Variants in RAB38 observed in about 807,000 individuals in gnomAD.
RAB38 encodes RAB38, member RAS oncogene family.
RAB38 carries 15 observed loss-of-function variants against 18.4 expected under a neutral mutation model. The observed-to-expected ratio is 0.82, with a 90% confidence interval of 0.55 to 1.26. The LOEUF is 1.26. Among genes scored for constraint, RAB38 ranks in the 50% most tolerant of loss-of-function variants. RAB38 has a pLI of 0.00. For synonymous variants in RAB38, 101 were observed against 104.4 expected (o/e 0.97, Z 0.20); for missense variants, 294 against 267.4 (o/e 1.10, Z -0.69).
intron 1 of RAB38, among the ~76,000 whole-genome samples, chr11:88,160,497 A>G (rs371290616): frequency 6.6e-6 from 1 of 152,254 alleles, no homozygotes. Flanking sequence ...TATCCAAAAG[A>G]AAGCAAATCA....
At chr11:88,058,856 C>T in the RAB38 span, among the ~76,000 whole-genome samples, 1 of 152,192 alleles carries the variant, frequency 6.6e-6, no homozygotes, top group South Asian at 2.1e-4. Flanking sequence ...TAAATATTCA[C>T]ATTTCCTCCT....
At chr11:88,008,479 C>T in the RAB38 span, among the ~76,000 whole-genome samples, 3 of 152,098 alleles carry the variant, frequency 2.0e-5, no homozygotes, top group Non-Finnish European at 4.4e-5. Context: ...TCTCAACCAT[C>T]ATCCCAACTT....
At chr11:88,076,792 A>C in the RAB38 span, among the ~76,000 whole-genome samples, 1 of 112,268 alleles carries the variant, frequency 8.9e-6, no homozygotes, top group African/African-American at 2.7e-5. Context: ...TACTTAAAAT[A>C]CAAAAAAAAA....
chr11:87,842,816 G>A, the RAB38 span, among the ~76,000 whole-genome samples: 17 of 147,350 alleles, frequency 1.2e-4, no homozygotes, highest in East Asian at 3.1e-3. Flanking sequence ...ACACGCGCGC[G>A]CACACACACA....
At chr11:87,955,631 A>AAAT in the RAB38 span, among the ~76,000 whole-genome samples, 1 of 152,170 alleles carries the variant, frequency 6.6e-6, no homozygotes, top group Non-Finnish European at 1.5e-5. Flanking sequence ...TAAATGAATA[A>AAAT]AATAAGCACA....
the RAB38 span, among the ~76,000 whole-genome samples, chr11:87,914,496 A>C: frequency 6.6e-6 from 1 of 152,144 alleles, no homozygotes; most frequent in Admixed American, 6.5e-5. Context: ...GCTCATGCTC[A>C]GTTATGGGAG....
chr11:87,852,200 T>C, the RAB38 span, among the ~76,000 whole-genome samples: 2 of 152,198 alleles, frequency 1.3e-5, no homozygotes, highest in African/African-American at 4.8e-5. Context: ...TTTTATGACC[T>C]ACTTCAGGGA....
At chr11:88,125,627 A>G (rs908494684) in intron 2 of RAB38, among the ~76,000 whole-genome samples, 6 of 152,184 alleles carry the variant, frequency 3.9e-5, no homozygotes, top group Non-Finnish European at 4.4e-5. Flanking sequence ...CCTTTGTCAG[A>G]TAAGTAGATT....
the RAB38 span, among the ~76,000 whole-genome samples, chr11:88,034,754 GGATACCTAC>G: frequency 5.3e-3 from 811 of 152,198 alleles, 5 homozygotes; most frequent in African/African-American, 0.019. Context: ...TACTGTGATT[GGATACCTAC>G]GATATTTCTG....
the RAB38 span, among the ~76,000 whole-genome samples, chr11:87,968,590 TGTA>T: frequency 1.3e-5 from 2 of 152,160 alleles, no homozygotes; most frequent in Admixed American, 6.6e-5. Flanking sequence ...TACTCAATGT[TGTA>T]GTACACAAGG....
the RAB38 span, among the ~76,000 whole-genome samples, chr11:87,967,399 G>A: frequency 1.3e-5 from 2 of 152,126 alleles, no homozygotes; most frequent in Non-Finnish European, 2.9e-5. Flanking sequence ...GTCAATAGCT[G>A]TACTGCCCAC....
intron 2 of RAB38, among the ~76,000 whole-genome samples, chr11:88,128,572 T>G (rs1216930387): frequency 2.0e-5 from 3 of 152,150 alleles, no homozygotes; most frequent in Admixed American, 6.6e-5. Flanking sequence ...AAAATAAAAT[T>G]AATCTCTCAA....
the RAB38 span, among the ~76,000 whole-genome samples, chr11:87,831,082 C>T: frequency 2.0e-5 from 3 of 152,148 alleles, no homozygotes; most frequent in Non-Finnish European, 4.4e-5. Context: ...GCTGGGACTA[C>T]AGGTGTGAGC....
chr11:87,860,828 T>C, the RAB38 span, among the ~76,000 whole-genome samples: 4 of 151,912 alleles, frequency 2.6e-5, no homozygotes, highest in Admixed American at 2.6e-4. Context: ...GTTTCCATAA[T>C]GAGTTGGAGA....
the RAB38 span, among the ~76,000 whole-genome samples, chr11:87,845,118 A>T: frequency 6.6e-6 from 1 of 152,222 alleles, no homozygotes; most frequent in Non-Finnish European, 1.5e-5. Flanking sequence ...CTAATACAAA[A>T]GTAACAACAT....
the RAB38 span, among the ~76,000 whole-genome samples, chr11:88,064,272 A>G: frequency 6.6e-6 from 1 of 152,228 alleles, no homozygotes; most frequent in African/African-American, 2.4e-5. Flanking sequence ...CTAAATGTTC[A>G]CAAGTTCCAC....
chr11:88,175,376 G>C lies in RAB38; in HGVS notation c.9C>G (p.Ala3=). The C allele has an allele frequency of 6.2e-7, 1 of 1,614,124 alleles. No individual in the cohort carries two copies. The highest frequency in any genetic ancestry group is 8.5e-7 in the Non-Finnish European group (1 of 1,180,022). MQ[A]PHKEHLYKLL... ...ACTTGTACAGGTGCTCCTTGTGCGGGGCCTGCATCCTGGCGGCCGGCCAGA... is the reference window on the plus strand; with the variant it reads ...ACTTGTACAGGTGCTCCTTGTGCGGCGCCTGCATCCTGGCGGCCGGCCAGA... Residue 3 remains alanine (A), a synonymous_variant, in exon 1 of 3, where the codon GCC becomes GCG. Transcript: ENST00000243662.
the RAB38 span, among the ~76,000 whole-genome samples, chr11:87,876,352 T>C: frequency 6.6e-6 from 1 of 151,556 alleles, no homozygotes; most frequent in Admixed American, 6.6e-5. Flanking sequence ...CATAGTCCTT[T>C]TTCCTTCTCT....
the RAB38 span, among the ~76,000 whole-genome samples, chr11:87,897,372 C>G: frequency 2.0e-5 from 3 of 151,468 alleles, no homozygotes; most frequent in African/African-American, 7.3e-5. Flanking sequence ...CTCCAGCAAT[C>G]CCTAGCTTCT....
Sources: gnomAD v4.1 joint callset for allele counts (sites outside exome capture counted in the v4.1 genomes callset) on GRCh38, gnomAD v4.1.1 for gene constraint, MANE v1.5 for transcripts, NCBI Gene and HGNC (gene_info 2026-07-23, HGNC 2026-07-21) for gene names.